The following PPP2R2C variants were observed in gnomAD, a reference collection of about 807,000 sequenced individuals.
PPP2R2C encodes the protein protein phosphatase 2 regulatory subunit Bgamma.
In PPP2R2C, 10 loss-of-function variants were observed where a neutral mutation model predicts 45.3. That is an observed-to-expected ratio of 0.22 (90% CI 0.14 to 0.37). The LOEUF is 0.37. Among genes scored for constraint, PPP2R2C ranks in the 10% least tolerant of loss-of-function variants. The pLI is 1.00. For missense variants in PPP2R2C, 308 were observed against 619.7 expected (o/e 0.50, Z 5.34); for synonymous variants, 257 against 245.4 (o/e 1.05, Z -0.44).
intron 5 of PPP2R2C, among the ~76,000 whole-genome samples, chr4:6,354,654 C>G (rs1170286748): frequency 6.8e-6 from 1 of 147,060 alleles, no homozygotes; most frequent in African/African-American, 2.6e-5. Flanking sequence ...TTGCCCCCCA[C>G]CCCCACCCCA....
chr4:6,354,712 T>G (rs1712984358), intron 5 of PPP2R2C, among the ~76,000 whole-genome samples: 1 of 149,556 alleles, frequency 6.7e-6, no homozygotes, highest in Non-Finnish European at 1.5e-5. Flanking sequence ...CACTTTGCTT[T>G]CCTTAGGTCC....
chr4:6,429,329 C>T (rs773741512), intron 1 of PPP2R2C, among the ~76,000 whole-genome samples: 3 of 152,190 alleles, frequency 2.0e-5, no homozygotes, highest in Admixed American at 1.3e-4. Flanking sequence ...AGTAAATGTA[C>T]GGTTCTAATC....
At chr4:6,459,560 A>C (rs1448927807) in intron 1 of PPP2R2C, among the ~76,000 whole-genome samples, 1 of 152,258 alleles carries the variant, frequency 6.6e-6, no homozygotes, top group African/African-American at 2.4e-5. Flanking sequence ...AAACAGGCCA[A>C]GAACGGTGCA....
rs537902813 is a variant in PPP2R2C at position 6,442,026 on chromosome 4, C to T, written c.70+30134G>A. On this transcript the variant is annotated intron_variant, in intron 1 of 8. Transcript: ENST00000382599. Reference sequence around the variant, plus strand: ...AGCCTAGGACACAGCCCCATCAAAGCCAAACGGTGTCCGTGGGTGGGGGAA... The same window carrying T: ...AGCCTAGGACACAGCCCCATCAAAGTCAAACGGTGTCCGTGGGTGGGGGAA... 3.3e-5 allele frequency among the ~76,000 whole-genome samples: 5 copies of T among 152,348 alleles called. No individual in the cohort carries two copies. In the East Asian group the frequency reaches 7.7e-4, roughly 23 times the overall value.
At chr4:6,433,731 C>G (rs547687163) in intron 1 of PPP2R2C, among the ~76,000 whole-genome samples, 86 of 152,322 alleles carry the variant, frequency 5.6e-4, no homozygotes, top group Admixed American at 1.2e-3. Flanking sequence ...CTTGAATTGA[C>G]TCAGTTCATC....
intron 2 of PPP2R2C, among the ~76,000 whole-genome samples, chr4:6,510,990 C>CAAAAAAAAAAA (rs1389589810): frequency 3.8e-5 from 5 of 130,908 alleles, no homozygotes; most frequent in East Asian, 2.2e-4. Context: ...CAAAAAAAAA[C>CAAAAAAAAAAA]AAACAAACAA....
At chr4:6,530,745 T>C (rs1430942334) in intron 2 of PPP2R2C, among the ~76,000 whole-genome samples, 1 of 152,216 alleles carries the variant, frequency 6.6e-6, no homozygotes, top group East Asian at 1.9e-4. Flanking sequence ...ATGAGATTTG[T>C]ACCCACTGAA....
intron 5 of PPP2R2C, among the ~76,000 whole-genome samples, chr4:6,354,836 G>C (rs1193202067): frequency 6.6e-6 from 1 of 152,124 alleles, no homozygotes; most frequent in Non-Finnish European, 1.5e-5. Flanking sequence ...CCCACAGCCA[G>C]GCCCCATTGC....
At chr4:6,358,633 T>C (rs563497745) in intron 5 of PPP2R2C, among the ~76,000 whole-genome samples, 42 of 71,150 alleles carry the variant, frequency 5.9e-4, no homozygotes, top group African/African-American at 1.5e-3. Flanking sequence ...ACAAAGAACT[T>C]AAACAAATTT....
chr4:6,333,980 G>A (rs565658199), intron 6 of PPP2R2C, among the ~76,000 whole-genome samples: 7 of 152,314 alleles, frequency 4.6e-5, no homozygotes, highest in South Asian at 2.1e-4. Context: ...ACCCATGCCT[G>A]GGGAGTCAGT....
At chr4:6,341,420 G>GA (rs910087579) in intron 6 of PPP2R2C, among the ~76,000 whole-genome samples, 8 of 151,882 alleles carry the variant, frequency 5.3e-5, no homozygotes, top group Non-Finnish European at 1.0e-4. Context: ...ATGAGAAAGG[G>GA]AAAAAGAGTG....
At chr4:6,558,111 TCAC>T (rs1560622356) in intron 1 of PPP2R2C, among the ~76,000 whole-genome samples, 3 of 152,098 alleles carry the variant, frequency 2.0e-5, no homozygotes, top group African/African-American at 7.2e-5. Flanking sequence ...TCTCCCAACC[TCAC>T]CACATGTCAC....
chr4:6,409,587 A>G (rs1377969785), intron 1 of PPP2R2C, among the ~76,000 whole-genome samples: 1 of 152,142 alleles, frequency 6.6e-6, no homozygotes, highest in African/African-American at 2.4e-5. Flanking sequence ...TCTGCAGGAG[A>G]GTAAAGTGCC....
chr4:6,556,913 G>A (rs1180022332), intron 1 of PPP2R2C, among the ~76,000 whole-genome samples: 1 of 152,122 alleles, frequency 6.6e-6, no homozygotes, highest in East Asian at 1.9e-4. Flanking sequence ...CTCTCCACCT[G>A]CCCTCCCAGC....
intron 1 of PPP2R2C, among the ~76,000 whole-genome samples, chr4:6,413,614 G>A (rs941001335): frequency 2.0e-5 from 3 of 152,200 alleles, no homozygotes; most frequent in Non-Finnish European, 4.4e-5. Flanking sequence ...ACCCTGCTGT[G>A]AGAGAACACC....
intron 1 of PPP2R2C, among the ~76,000 whole-genome samples, chr4:6,554,430 T>C (rs1440466172): frequency 1.3e-5 from 2 of 152,244 alleles, no homozygotes; most frequent in Non-Finnish European, 2.9e-5. Context: ...CCCAGACTGC[T>C]GGCTGCCAGA....
At chr4:6,343,762 C>T (rs986876612) in intron 6 of PPP2R2C, among the ~76,000 whole-genome samples, 1 of 152,090 alleles carries the variant, frequency 6.6e-6, no homozygotes, top group African/African-American at 2.4e-5. Context: ...GATTTGCACA[C>T]AAGTTTTCCT....
At chr4:6,344,621 C>G (rs548706202) in intron 6 of PPP2R2C, among the ~76,000 whole-genome samples, 1 of 152,230 alleles carries the variant, frequency 6.6e-6, no homozygotes, top group African/African-American at 2.4e-5. Context: ...TTTTCTGATT[C>G]AAAGTTCAAA....
At chr4:6,357,391 G>C (rs1327165361) in intron 5 of PPP2R2C, among the ~76,000 whole-genome samples, 4 of 152,232 alleles carry the variant, frequency 2.6e-5, no homozygotes, top group Non-Finnish European at 4.4e-5. Context: ...TCTGCAAAGA[G>C]TCAGAGAGTC....
Sources: gnomAD v4.1 joint callset for allele counts (sites outside exome capture counted in the v4.1 genomes callset) on GRCh38, gnomAD v4.1.1 for gene constraint, MANE v1.5 for transcripts, NCBI Gene and HGNC (gene_info 2026-07-23, HGNC 2026-07-21) for gene names.